CFAP298: variants seen among roughly 807,000 people sequenced by gnomAD.
CFAP298 encodes cilia and flagella associated protein 298.
Under a neutral mutation model 41.0 loss-of-function variants are expected in CFAP298, and 38 were observed. The ratio of observed to expected loss-of-function variants is 0.93; its 90% CI spans 0.72 to 1.22. The LOEUF (loss-of-function observed/expected upper bound fraction) is 1.22. CFAP298 is among the 50% of genes most tolerant of loss of function. The pLI, the probability that CFAP298 is intolerant of heterozygous loss-of-function variation, is 0.00. For missense variants in CFAP298, 348 were observed against 360.3 expected (o/e 0.97, Z 0.28); for synonymous variants, 137 against 135.3 (o/e 1.01, Z -0.09).
intron 6 of CFAP298, 74 bp from the exon 7 acceptor site, chr21:32,602,047 G>C: frequency 2.0e-6 from 2 of 1,004,114 alleles, no homozygotes; most frequent in East Asian, 2.4e-5. Context: ...TGAAGAAAGA[G>C]TCCATGACTG....
Position 32,612,086 on chromosome 21 carries a change from G to T in CFAP298, c.139+19C>A. On this transcript the variant is annotated intron_variant, in intron 1 of 6. Coordinates refer to ENST00000290155, the MANE Select transcript of CFAP298 (RefSeq NM_021254.4). ...CGGTCTCTCGATCTGTCCGGGATGG[G>T]CCCACCCGCGAGCCGCACCTGAGCA... is the stretch of plus-strand genomic sequence containing the variant. 1.3e-6 allele frequency: 2 copies of T among 1,541,962 alleles called. No individual in the cohort carries two copies. Among genetic ancestry groups the T allele is most frequent in the African/African-American group, 1.4e-5 (1 of 72,880 alleles).
rs1316332635 is a variant in CFAP298, at chr21:32,599,592, T to C, written c.*2271A>G. Among the ~76,000 whole-genome samples, 2 of 152,182 alleles carry C rather than the reference T, an allele frequency of 1.3e-5. No individual in the cohort carries two copies. Among genetic ancestry groups the C allele is most frequent in the Non-Finnish European group, 2.9e-5 (2 of 68,030 alleles). On this transcript the variant is annotated 3_prime_UTR_variant, in exon 7 of 7. Coordinates refer to ENST00000290155, the MANE Select transcript of CFAP298 (RefSeq NM_021254.4). Reference sequence around the variant, plus strand: ...GGTCTAACACTGGCAAGATTACTTTTGTTGATAAATTGATTTCTTGGGAAA... The same window carrying C: ...GGTCTAACACTGGCAAGATTACTTTCGTTGATAAATTGATTTCTTGGGAAA...
intron 1 of CFAP298, 76 bp from the exon 2 acceptor site, chr21:32,610,081 G>C (rs1357269287): frequency 7.4e-7 from 1 of 1,342,408 alleles, no homozygotes; most frequent in Non-Finnish European, 1.0e-6. Flanking sequence ...CAAAGAGTCA[G>C]GGGTCTTGCC....
chr21:32,608,597 C>T (rs2038920252), intron 2 of CFAP298, among the ~76,000 whole-genome samples: 1 of 135,468 alleles, frequency 7.4e-6, no homozygotes, highest in Non-Finnish European at 1.5e-5. Context: ...GCAGAGGTTG[C>T]AGTGAGCCGA....
In CFAP298 at chr21:32,604,583, C is replaced by T. The variant is rs116855988; in HGVS notation, c.376-300G>A. On this transcript the variant is annotated intron_variant, in intron 3 of 6. Transcript: ENST00000290155. The stretch of plus-strand genomic sequence containing the variant: ...TGGCAGTGAGGATCGGGAGATACGG[C>T]AGGGGGAGCAGGCACCGCAGGTGGG... 4.3e-3 allele frequency: 1,413 copies of T among 329,876 alleles called. 51 individuals carry two copies. The East Asian group carries it at 0.066, about 16-fold the overall frequency. 20.4% of individuals were successfully genotyped at this position (329,876 alleles called of 1,614,324 possible). A position where few individuals can be genotyped will look rare whatever the true frequency, so the allele number is the denominator to read the frequency against.
Position 32,609,989 on chromosome 21 carries a change from G to A in CFAP298, c.156C>T (p.Ala52=), listed in dbSNP as rs147461593. The A allele has an allele frequency of 5.1e-5, 82 of 1,612,878 alleles. 1 individual carries two copies. Among genetic ancestry groups the A allele is most frequent in the Non-Finnish European group, 6.7e-5 (79 of 1,179,596 alleles). Residue 52 remains alanine, a synonymous_variant, in exon 2 of 7, where the codon GCC becomes GCT. Transcript: ENST00000290155. ...QRLCSEMEEL[A]EHGIFLPPNM... ...TAGGAGGGAGAAATATGCCATGTTC[G>A]GCTAATTCTTCCATTTCTTAAAAAT...
At chr21:32,605,948 A>G (rs897954809) in intron 3 of CFAP298, among the ~76,000 whole-genome samples, 2 of 152,152 alleles carry the variant, frequency 1.3e-5, no homozygotes, top group Non-Finnish European at 2.9e-5. Flanking sequence ...AAAGAAAGCC[A>G]CAGCTGTGGA....
chr21:32,612,255 C>G lies in CFAP298; in HGVS notation c.-12G>C. Reference sequence around the variant, plus strand: ...TGCAGCAGAACCATGGCGGTCCCGCCGAGGTACTGAGGCGTTGAGAAGGCC... The same window carrying G: ...TGCAGCAGAACCATGGCGGTCCCGCGGAGGTACTGAGGCGTTGAGAAGGCC... On this transcript the variant is annotated 5_prime_UTR_variant, in exon 1 of 7. Transcript: ENST00000290155. The G allele has an allele frequency of 6.3e-7, 1 of 1,595,464 alleles. No individual in the cohort carries two copies. Among genetic ancestry groups the G allele is most frequent in the South Asian group, 1.1e-5 (1 of 89,022 alleles).
chr21:32,603,083 T>C, intron 5 of CFAP298, 78 bp downstream of exon 5: 1 of 1,533,360 alleles, frequency 6.5e-7, no homozygotes, highest in Non-Finnish European at 9.0e-7. Context: ...TTTAAATCTT[T>C]CGGATTCACT....
chr21:32,600,987 T>C lies in CFAP298; in HGVS notation c.*876A>G, dbSNP rs2038724155. Among the ~76,000 whole-genome samples, 1 of 152,262 alleles carries C rather than the reference T, an allele frequency of 6.6e-6. No individual in the cohort carries two copies. Among genetic ancestry groups the C allele is most frequent in the Admixed American group, 6.5e-5 (1 of 15,300 alleles). On this transcript the variant is annotated 3_prime_UTR_variant, in exon 7 of 7. Transcript: ENST00000290155. ...CACCAACCAGGAGGCAAACTTCACC[T>C]TCAAGGCCAGGCAACGCCTGGCTAC... is the stretch of plus-strand genomic sequence containing the variant.
intron 4 of CFAP298, 78 bp downstream of exon 4, chr21:32,604,047 A>G: frequency 1.4e-6 from 2 of 1,399,200 alleles, no homozygotes; most frequent in Non-Finnish European, 2.0e-6. Context: ...CACTACATCC[A>G]GAAGAGGGGC....
intron 3 of CFAP298, among the ~76,000 whole-genome samples, chr21:32,605,294 A>T (rs1480313259): frequency 6.6e-6 from 1 of 152,252 alleles, no homozygotes; most frequent in Admixed American, 6.5e-5. Context: ...TTCCAGGCAC[A>T]GAGCTCCAAA....
chr21:32,610,076 A>G lies in CFAP298; in HGVS notation c.140-71T>C, dbSNP rs546097943. 119 of 1,377,304 alleles carry G rather than the reference A, an allele frequency of 8.6e-5. No individual in the cohort carries two copies. The African/African-American group carries it at 1.4e-3, about 16-fold the overall frequency. 85.3% of individuals were successfully genotyped at this position (1,377,304 alleles called of 1,614,324 possible). A position where few individuals can be genotyped will look rare whatever the true frequency, so the allele number is the denominator to read the frequency against. On this transcript the variant is annotated intron_variant, in intron 1 of 6. Transcript: ENST00000290155. ...CCCCATTGGAATGTAAGCTCCAAAG[A>G]GTCAGGGGTCTTGCCCATCTGGCTC...
At chr21:32,602,943 C>T (rs541390210) in intron 5 of CFAP298, 2 of 1,089,938 alleles carry the variant, frequency 1.8e-6, no homozygotes, top group Admixed American at 2.8e-5. Context: ...TTCCTCTCCC[C>T]CACATATTAA....
At position 32,602,500 on chromosome 21, in the gene CFAP298, C is replaced by A. The variant is rs559133435; in HGVS notation, c.667-133G>T. ...AACAGGTCCCCCATGTCTGATCACCCGAAGTGAAGCATCAAGGGAAGCCTT... is the reference window on the plus strand; with the variant it reads ...AACAGGTCCCCCATGTCTGATCACCAGAAGTGAAGCATCAAGGGAAGCCTT... On this transcript the variant is annotated intron_variant, in intron 5 of 6. Transcript: ENST00000290155. 2.1e-5 allele frequency: 30 copies of A among 1,446,970 alleles called. No homozygotes were observed. In the South Asian group the frequency reaches 4.2e-4, roughly 20 times the overall value. 89.6% of individuals were successfully genotyped at this position (1,446,970 alleles called of 1,614,324 possible).
At position 32,611,338 on chromosome 21, in the gene CFAP298, T is replaced by TATATATATATATATATATATATAA. The variant is rs954890218; in HGVS notation, c.139+766_139+767insTTATATATATATATATATATATAT. On this transcript the variant is annotated intron_variant, in intron 1 of 6. Transcript: ENST00000290155. Reference sequence around the variant, plus strand: ...CATACCATATATATATATATATATATAATTTATTTATATTTATATATACAT... The same window carrying TATATATATATATATATATATATAA: ...CATACCATATATATATATATATATATATATATATATATATATATATATAAAATTTATTTATATTTATATATACAT... Among the ~76,000 whole-genome samples the TATATATATATATATATATATATAA allele has an allele frequency of 1.6e-3, 216 of 132,272 alleles. 8 individuals are homozygous for TATATATATATATATATATATATAA. Among genetic ancestry groups the TATATATATATATATATATATATAA allele is most frequent in the African/African-American group, 6.4e-3 (193 of 30,052 alleles). The allele number at this position is 132,272 out of a possible 152,430, so 86.8% of individuals were successfully genotyped here.
chr21:32,612,269 G>C lies in CFAP298; in HGVS notation c.-26C>G. On this transcript the variant is annotated 5_prime_UTR_variant, in exon 1 of 7. Coordinates refer to ENST00000290155, the MANE Select transcript of CFAP298 (RefSeq NM_021254.4). ...GGCGGTCCCGCCGAGGTACTGAGGC[G>C]TTGAGAAGGCCCCGGCTGCGTGGCC... The C allele has an allele frequency of 6.9e-7, 1 of 1,456,272 alleles. No individual in the cohort carries two copies. The highest frequency in any genetic ancestry group is 1.2e-5 in the South Asian group (1 of 84,744). 90.2% of individuals were successfully genotyped at this position (1,456,272 alleles called of 1,614,324 possible). A position where few individuals can be genotyped will look rare whatever the true frequency, so the allele number is the denominator to read the frequency against.
rs1184705870 is a variant in CFAP298 at position 32,602,278 on chromosome 21, C to G, written c.756G>C (p.Glu252Asp). 6.2e-7 allele frequency: 1 copy of G among 1,613,914 alleles called. No individual in the cohort carries two copies. Among genetic ancestry groups the G allele is most frequent in the Admixed American group, 1.7e-5 (1 of 60,010 alleles). Residue 252 changes from glutamate to aspartate, a missense_variant, in exon 6 of 7, where the codon GAG becomes GAC. Transcript: ENST00000290155. ...LMLYYHRRQE[E>D]LKRLEENDDD... ...CCCATCTGTCCCCTGCTACCTTGAGCTCCTCTTGTCTTCTGTGATAGTACA... is the reference window on the plus strand; with the variant it reads ...CCCATCTGTCCCCTGCTACCTTGAGGTCCTCTTGTCTTCTGTGATAGTACA...
chr21:32,603,406 G>A (rs751672185), intron 4 of CFAP298, 114 bp from the exon 5 acceptor site: 9 of 1,162,878 alleles, frequency 7.7e-6, no homozygotes, highest in East Asian at 2.4e-5. Flanking sequence ...GCTCACCATG[G>A]GAGGCCTGAC....
Sources: gnomAD v4.1 joint callset for allele counts (sites outside exome capture counted in the v4.1 genomes callset) on GRCh38, gnomAD v4.1.1 for gene constraint, MANE v1.5 for transcripts, NCBI Gene and HGNC (gene_info 2026-07-23, HGNC 2026-07-21) for gene names.